FIG4: variants seen among roughly 807,000 people sequenced by gnomAD.
FIG4 encodes the protein FIG4 phosphoinositide 5-phosphatase.
In FIG4, 112 loss-of-function variants were observed where a neutral mutation model predicts 118.6. The ratio of observed to expected loss-of-function variants is 0.94; its 90% CI spans 0.81 to 1.11. The LOEUF (loss-of-function observed/expected upper bound fraction) is 1.11, where lower values mean the gene tolerates loss of function less well. Ranked by LOEUF, FIG4 falls within the 50% of genes least tolerant of loss-of-function variation. FIG4 has a pLI of 0.00. For missense variants in FIG4, 969 were observed against 1,111.7 expected (o/e 0.87, Z 1.83); for synonymous variants, 369 against 381.2 (o/e 0.97, Z 0.37).
At chr6:109,821,937 G>GGGCAA (rs1260358985) in intron 22 of FIG4, among the ~76,000 whole-genome samples, 1 of 152,182 alleles carries the variant, frequency 6.6e-6, no homozygotes, top group African/African-American at 2.4e-5. Flanking sequence ...CACTTTGGGA[G>GGGCAA]GGCAAGGCAG....
chr6:109,778,345 C>T (rs1426962401), intron 16 of FIG4, among the ~76,000 whole-genome samples: 1 of 151,464 alleles, frequency 6.6e-6, no homozygotes, highest in African/African-American at 2.4e-5. Context: ...TGGTACGTGC[C>T]TGTAATCCCA....
At chr6:109,747,485 G>A (rs1369366522) in intron 10 of FIG4, among the ~76,000 whole-genome samples, 2 of 152,116 alleles carry the variant, frequency 1.3e-5, no homozygotes, top group African/African-American at 4.8e-5. Flanking sequence ...ATGCTGAGGG[G>A]TCAAGTAAGA....
chr6:109,791,347 G>A, intron 19 of FIG4, 29 bp from the exon 20 acceptor site: 1 of 1,589,236 alleles, frequency 6.3e-7, no homozygotes. Context: ...GTTTAAAGAT[G>A]CTTCACTTCC....
In FIG4 at chr6:109,731,636, G is replaced by A. The variant is rs377438647; in HGVS notation, c.447-1001G>A. ...TAGAGTATAACAACTATAGAATTACGTAGCATTTACATTGTATTAGGTATT... is the reference window on the plus strand; with the variant it reads ...TAGAGTATAACAACTATAGAATTACATAGCATTTACATTGTATTAGGTATT... On this transcript the variant is annotated intron_variant, in intron 4 of 22. Coordinates refer to ENST00000230124, the MANE Select transcript of FIG4 (RefSeq NM_014845.6). Among the ~76,000 whole-genome samples, 71 of 152,164 alleles carry A rather than the reference G, an allele frequency of 4.7e-4. 1 individual carries two copies. In the South Asian group the frequency reaches 0.013, roughly 28 times the overall value.
chr6:109,724,471 C>G (rs1775724999), intron 3 of FIG4, among the ~76,000 whole-genome samples: 1 of 152,178 alleles, frequency 6.6e-6, no homozygotes, highest in Non-Finnish European at 1.5e-5. Context: ...GAAATGTGTG[C>G]TTGACATCGC....
chr6:109,769,735 A>G (rs1271084516), intron 15 of FIG4, among the ~76,000 whole-genome samples: 3 of 152,174 alleles, frequency 2.0e-5, no homozygotes, highest in Non-Finnish European at 4.4e-5. Flanking sequence ...CCTGGGCAAC[A>G]TAGTGAGATC....
chr6:109,701,278 C>T (rs1451967653), intron 1 of FIG4, among the ~76,000 whole-genome samples: 3 of 152,162 alleles, frequency 2.0e-5, no homozygotes, highest in African/African-American at 2.4e-5. Context: ...TCTTGTGACT[C>T]GTCTGTGGTC....
intron 1 of FIG4, among the ~76,000 whole-genome samples, chr6:109,705,799 A>G (rs1775049772): frequency 6.6e-6 from 1 of 152,240 alleles, no homozygotes; most frequent in South Asian, 2.1e-4. Context: ...GAGTTTACCT[A>G]TGTAGCAAAC....
rs1056305485 is a variant in FIG4 at position 109,701,672 on chromosome 6, A to C, written c.66+10171A>C. The C allele has an allele frequency of 7.6e-5, 36 of 471,056 alleles. No individual in the cohort carries two copies. The Admixed American group carries it at 8.0e-4, about 10-fold the overall frequency. The allele number at this position is 471,056 out of a possible 1,614,324, so 29.2% of individuals were successfully genotyped here. Reference sequence around the variant, plus strand: ...GCCTTGTTCCAAAAGGATTTAAGGAAGCTCCCTCCCACCCCCATCACAGAA... The same window carrying C: ...GCCTTGTTCCAAAAGGATTTAAGGACGCTCCCTCCCACCCCCATCACAGAA... On this transcript the variant is annotated intron_variant, in intron 1 of 22. Transcript: ENST00000230124.
chr6:109,729,576 A>G (rs1583657535), intron 4 of FIG4, among the ~76,000 whole-genome samples: 1 of 152,154 alleles, frequency 6.6e-6, no homozygotes, highest in Non-Finnish European at 1.5e-5. Context: ...ATTTGAGAAT[A>G]TCTACAAATT....
Position 109,715,166 on chromosome 6 carries a change from T to C in FIG4, c.155T>C (p.Ile52Thr), listed in dbSNP as rs754533235. ...ACAGAACCAAAAGATTTGGTCATAA[T>C]TGATGACAGGGTAAGTATCCTCCAA... Reference protein sequence around the residue: ...DRTEPKDLVIIDDRHVYTQQE... With the variant: ...DRTEPKDLVITDDRHVYTQQE... Residue 52 changes from isoleucine (I) to threonine (T), a missense_variant, in exon 2 of 23, where the codon ATT becomes ACT. Transcript: ENST00000230124. 29 of 1,586,110 alleles carry C rather than the reference T, an allele frequency of 1.8e-5. No individual in the cohort carries two copies. The East Asian group carries it at 2.0e-4, about 11-fold the overall frequency.
intron 22 of FIG4, among the ~76,000 whole-genome samples, chr6:109,818,952 T>C (rs1263253674): frequency 6.6e-6 from 1 of 152,204 alleles, no homozygotes; most frequent in African/African-American, 2.4e-5. Flanking sequence ...CAGTGGATGC[T>C]GAGGAGCCTC....
intron 15 of FIG4, among the ~76,000 whole-genome samples, chr6:109,773,572 C>G (rs1354845871): frequency 6.6e-6 from 1 of 152,184 alleles, no homozygotes; most frequent in Non-Finnish European, 1.5e-5. Flanking sequence ...GGTTATACCT[C>G]CAAAATAATA....
chr6:109,704,967 G>A (rs2128379021), intron 1 of FIG4, among the ~76,000 whole-genome samples: 1 of 152,244 alleles, frequency 6.6e-6, no homozygotes, highest in African/African-American at 2.4e-5. Flanking sequence ...AGGTTCAGAG[G>A]AAGAAAGCAT....
chr6:109,799,988 G>T (rs950663322), intron 22 of FIG4, among the ~76,000 whole-genome samples: 1 of 152,110 alleles, frequency 6.6e-6, no homozygotes, highest in African/African-American at 2.4e-5. Flanking sequence ...TGTGTGATGG[G>T]CACTGTTCTG....
At chr6:109,694,489 A>G (rs1774648732) in intron 1 of FIG4, among the ~76,000 whole-genome samples, 1 of 152,252 alleles carries the variant, frequency 6.6e-6, no homozygotes, top group Non-Finnish European at 1.5e-5. Flanking sequence ...AACTACCAGA[A>G]GAAAACATAG....
At chr6:109,756,271 C>T (rs1048162553) in intron 10 of FIG4, among the ~76,000 whole-genome samples, 5 of 152,228 alleles carry the variant, frequency 3.3e-5, no homozygotes, top group Admixed American at 3.3e-4. Flanking sequence ...GGCCCCCACT[C>T]TCTTCTGGCT....
rs559697491 is a variant in FIG4 at position 109,764,398 on chromosome 6, A to C, written c.1434+416A>C. On this transcript the variant is annotated intron_variant, in intron 13 of 22. Coordinates refer to ENST00000230124, the MANE Select transcript of FIG4 (RefSeq NM_014845.6). ...GGTTGCAGTGAGGCGAGATCATGCC[A>C]CTGCACTCCAGCCTGGGTGACAGAG... 7.9e-5 allele frequency among the ~76,000 whole-genome samples: 12 copies of C among 151,510 alleles called. No homozygotes were observed. The South Asian group carries it at 2.5e-3, about 32-fold the overall frequency.
At chr6:109,764,804 A>T (rs1320515022) in intron 13 of FIG4, among the ~76,000 whole-genome samples, 1 of 152,246 alleles carries the variant, frequency 6.6e-6, no homozygotes, top group Non-Finnish European at 1.5e-5. Flanking sequence ...GCAATGTATA[A>T]CCTTATGCAA....
Sources: gnomAD v4.1 joint callset for allele counts (sites outside exome capture counted in the v4.1 genomes callset) on GRCh38, gnomAD v4.1.1 for gene constraint, MANE v1.5 for transcripts, NCBI Gene and HGNC (gene_info 2026-07-23, HGNC 2026-07-21) for gene names.